KIF13B: variants seen among roughly 807,000 people sequenced by gnomAD.
KIF13B encodes the protein kinesin-like protein KIF13B.
In KIF13B, 127 loss-of-function variants were observed where a neutral mutation model predicts 222.0. The ratio of observed to expected loss-of-function variants is 0.57; its 90% CI spans 0.50 to 0.66. The LOEUF (loss-of-function observed/expected upper bound fraction) is 0.66. Ranked by LOEUF, KIF13B falls within the 30% of genes least tolerant of loss-of-function variation. The pLI is 0.00. For missense variants in KIF13B, 2,173 were observed against 2,379.0 expected, an observed-to-expected ratio of 0.91 and a Z score of 1.80; for synonymous variants, 976 against 919.0, an observed-to-expected ratio of 1.06 and a Z score of -1.12.
At chr8:29,192,640 T>G (rs1218227362) in intron 3 of KIF13B, among the ~76,000 whole-genome samples, 1 of 152,222 alleles carries the variant, frequency 6.6e-6, no homozygotes, top group Non-Finnish European at 1.5e-5. Context: ...CAGGAGAATG[T>G]TTCTGTGTAA....
intron 2 of KIF13B, among the ~76,000 whole-genome samples, chr8:29,225,175 T>TGGGAAGGC (rs1384408163): frequency 6.6e-6 from 1 of 152,048 alleles, no homozygotes; most frequent in Non-Finnish European, 1.5e-5. Flanking sequence ...CACGACAGTG[T>TGGGAAGGC]GGGAAGGCAG....
At chr8:29,178,247 T>C (rs567889183) in intron 8 of KIF13B, among the ~76,000 whole-genome samples, 1 of 152,100 alleles carries the variant, frequency 6.6e-6, no homozygotes, top group Admixed American at 6.6e-5. Context: ...TATTTATCAA[T>C]AATCCTGAGA....
chr8:29,124,972 C>T (rs2129764461), intron 26 of KIF13B, among the ~76,000 whole-genome samples: 1 of 152,068 alleles, frequency 6.6e-6, no homozygotes, highest in South Asian at 2.1e-4. Flanking sequence ...ATTACTTAAA[C>T]CTGAGAGGCA....
chr8:29,143,671 C>A (rs186722334), intron 18 of KIF13B, among the ~76,000 whole-genome samples: 1 of 152,170 alleles, frequency 6.6e-6, no homozygotes, highest in Non-Finnish European at 1.5e-5. Flanking sequence ...TATGGTGAAA[C>A]CCCGTCTCTA....
chr8:29,076,259 A>G (rs943443068), intron 37 of KIF13B, among the ~76,000 whole-genome samples: 4 of 152,174 alleles, frequency 2.6e-5, no homozygotes, highest in Non-Finnish European at 5.9e-5. Context: ...GACTGCAGGA[A>G]CCAGGCCTGG....
intron 10 of KIF13B, among the ~76,000 whole-genome samples, chr8:29,168,748 C>G (rs1812114883): frequency 1.3e-5 from 2 of 152,188 alleles, no homozygotes; most frequent in Admixed American, 1.3e-4. Context: ...CCATCCCCAA[C>G]ACTTTAATTA....
chr8:29,175,926 C>T, intron 10 of KIF13B, 142 bp downstream of exon 10: 1 of 644,092 alleles, frequency 1.6e-6, no homozygotes, highest in East Asian at 2.8e-5. Flanking sequence ...TCAAAAATGT[C>T]ATTACCATAA....
At chr8:29,122,744 G>A (rs975118133) in intron 28 of KIF13B, 98 bp from the exon 29 acceptor site, 1 of 938,392 alleles carries the variant, frequency 1.1e-6, no homozygotes, top group South Asian at 1.4e-5. Flanking sequence ...CTGTTACAGG[G>A]CAAAGCAGTA....
chr8:29,214,924 G>A (rs1040595591), intron 2 of KIF13B, among the ~76,000 whole-genome samples: 4 of 152,120 alleles, frequency 2.6e-5, no homozygotes, highest in Non-Finnish European at 5.9e-5. Flanking sequence ...TCATTATGGG[G>A]CGCATGACTG....
chr8:29,140,420 T>G (rs894294370), intron 20 of KIF13B, 48 bp downstream of exon 20: 1 of 1,576,564 alleles, frequency 6.3e-7, no homozygotes, highest in Non-Finnish European at 8.6e-7. Flanking sequence ...ACCCTCTTGT[T>G]TCTTAAACTA....
At chr8:29,156,514 TA>T (rs145929930) in intron 13 of KIF13B, among the ~76,000 whole-genome samples, 2 of 151,054 alleles carry the variant, frequency 1.3e-5, no homozygotes, top group Admixed American at 6.6e-5. Context: ...ACTTATTTTT[TA>T]TTTATTTATT....
At chr8:29,246,598 C>A (rs1003239088) in intron 1 of KIF13B, among the ~76,000 whole-genome samples, 33 of 151,980 alleles carry the variant, frequency 2.2e-4, no homozygotes, top group African/African-American at 8.0e-4. Context: ...TTATAAAAAC[C>A]AACAAGGTCT....
intron 37 of KIF13B, among the ~76,000 whole-genome samples, chr8:29,089,145 T>C (rs1199236840): frequency 6.6e-6 from 1 of 152,174 alleles, no homozygotes; most frequent in Admixed American, 6.5e-5. Flanking sequence ...ACCCACAATC[T>C]AATATTACAG....
At chr8:29,177,721 G>A (rs1812541064) in intron 8 of KIF13B, 143 bp from the exon 9 acceptor site, 1 of 636,242 alleles carries the variant, frequency 1.6e-6, no homozygotes, top group South Asian at 1.8e-5. Context: ...GGGCAACACA[G>A]CAAAATCCTG....
chr8:29,095,890 CA>C (rs1372292473), intron 36 of KIF13B, among the ~76,000 whole-genome samples: 1 of 151,436 alleles, frequency 6.6e-6, no homozygotes, highest in African/African-American at 2.4e-5. Context: ...CTGAAAAAAA[CA>C]AAACAAAACG....
chr8:29,078,414 T>C (rs1807666789), intron 37 of KIF13B, among the ~76,000 whole-genome samples: 1 of 152,104 alleles, frequency 6.6e-6, no homozygotes, highest in Non-Finnish European at 1.5e-5. Context: ...TTCAGCAACC[T>C]TTTTAAGGAT....
At chr8:29,122,769 G>A (rs956918021) in intron 28 of KIF13B, 123 bp from the exon 29 acceptor site, 5 of 725,946 alleles carry the variant, frequency 6.9e-6, no homozygotes, top group Non-Finnish European at 1.2e-5. Context: ...CCCTGGCCCT[G>A]ATTTTACTCT....
intron 26 of KIF13B, among the ~76,000 whole-genome samples, chr8:29,125,797 G>A (rs1255458939): frequency 1.3e-5 from 2 of 151,542 alleles, no homozygotes; most frequent in African/African-American, 4.8e-5. Context: ...AAGTAGGGAA[G>A]AAAGATCTAG....
intron 38 of KIF13B, among the ~76,000 whole-genome samples, chr8:29,072,883 C>G (rs368698986): frequency 6.6e-6 from 1 of 152,108 alleles, no homozygotes; most frequent in African/African-American, 2.4e-5. Context: ...CTGCCCACCC[C>G]CAACCTCACG....
Sources: gnomAD v4.1 joint callset for allele counts (sites outside exome capture counted in the v4.1 genomes callset) on GRCh38, gnomAD v4.1.1 for gene constraint, MANE v1.5 for transcripts, NCBI Gene and HGNC (gene_info 2026-07-23, HGNC 2026-07-21) for gene names.